Variants in GBP7 observed in about 807,000 individuals in gnomAD.
The protein encoded by GBP7 is guanylate-binding protein 7.
Under a neutral mutation model 61.3 loss-of-function variants are expected in GBP7, and 43 were observed. The ratio of observed to expected loss-of-function variants is 0.70; its 90% CI spans 0.55 to 0.91. The LOEUF is 0.91. GBP7 is among the 40% of genes least tolerant of loss of function. GBP7 has a pLI of 0.00. For missense variants in GBP7, 717 were observed against 740.5 expected (o/e 0.97, Z 0.37); for synonymous variants, 267 against 271.0 (o/e 0.99, Z 0.14).
rs1447286927 is a variant in GBP7 at position 89,156,404 on chromosome 1, C to T, written c.319-3627G>A. Among the ~76,000 whole-genome samples, 3 of 152,282 alleles carry T rather than the reference C, an allele frequency of 2.0e-5. No homozygotes were observed. The East Asian group carries it at 5.8e-4, about 29-fold the overall frequency. ...AAATGCTCCAATTAAAAGACACAGACTGGCAAATTGGATAAAGAGACAAGA... is the reference window on the plus strand; with the variant it reads ...AAATGCTCCAATTAAAAGACACAGATTGGCAAATTGGATAAAGAGACAAGA... On this transcript the variant is annotated intron_variant, in intron 3 of 10. Coordinates refer to ENST00000294671, the MANE Select transcript of GBP7 (RefSeq NM_207398.3).
chr1:89,172,606 A>C (rs1305587343), intron 1 of GBP7, among the ~76,000 whole-genome samples: 2 of 152,118 alleles, frequency 1.3e-5, no homozygotes, highest in African/African-American at 2.4e-5. Flanking sequence ...TGTTGACATT[A>C]CTTTTTCTGG....
intron 9 of GBP7, among the ~76,000 whole-genome samples, chr1:89,136,008 C>T (rs1250966698): frequency 5.3e-5 from 8 of 152,080 alleles, no homozygotes; most frequent in Non-Finnish European, 1.5e-5. Flanking sequence ...GCAGGGGTTG[C>T]TATTCTTATT....
chr1:89,154,689 G>T, intron 3 of GBP7, among the ~76,000 whole-genome samples: 1 of 148,852 alleles, frequency 6.7e-6, no homozygotes, highest in African/African-American at 2.5e-5. Context: ...TTTAAGTTCA[G>T]GCTTACCCCC....
chr1:89,133,140 T>A (rs967769258), intron 10 of GBP7, 118 bp downstream of exon 10: 4 of 739,444 alleles, frequency 5.4e-6, no homozygotes, highest in Non-Finnish European at 9.3e-6. Flanking sequence ...GAAATTTAAG[T>A]GAAATATATC....
intron 8 of GBP7, 80 bp downstream of exon 8, chr1:89,147,487 G>T: frequency 9.1e-7 from 1 of 1,094,946 alleles, no homozygotes; most frequent in Non-Finnish European, 1.4e-6. Context: ...ATGGTGCTGT[G>T]TTCTTAGATT....
chr1:89,147,618 T>G lies in GBP7; in HGVS notation c.1314A>C (p.Ala438=), dbSNP rs1344577132. 1 of 1,614,192 alleles carries G rather than the reference T, an allele frequency of 6.2e-7. No homozygotes were observed. Among genetic ancestry groups the G allele is most frequent in the East Asian group, 2.2e-5 (1 of 44,882 alleles). Residue 438 remains alanine (A), a synonymous_variant, in exon 8 of 11, where the codon GCA becomes GCC. Transcript: ENST00000294671. ...VPGGHNIYLE[A]KKKIEQDYTL... ...TATAGTCCTGTTCAATCTTCTTTTT[T>G]GCTTCTAAGTAGATATTGTGCCCCC...
At chr1:89,161,418 C>T (rs1360663927) in intron 3 of GBP7, among the ~76,000 whole-genome samples, 1 of 152,192 alleles carries the variant, frequency 6.6e-6, no homozygotes, top group East Asian at 1.9e-4. Context: ...TATTTCTCTA[C>T]AACCTAACCA....
rs1227895357 is a variant in GBP7, at chr1:89,133,459, A to G, written c.1469-8T>C. Reference sequence around the variant, plus strand: ...CCTTCTTAGCCTGCTTAGCTGTTCCACCGAGGTTTTACAGAGGGAAGAAAA... The same window carrying G: ...CCTTCTTAGCCTGCTTAGCTGTTCCGCCGAGGTTTTACAGAGGGAAGAAAA... On this transcript the variant is annotated splice_polypyrimidine_tract_variant and splice_region_variant and intron_variant, in intron 9 of 10. Transcript: ENST00000294671. The G allele has an allele frequency of 5.0e-6, 8 of 1,612,816 alleles. No individual in the cohort carries two copies. Among genetic ancestry groups the G allele is most frequent in the Non-Finnish European group, 6.8e-6 (8 of 1,179,418 alleles).
At position 89,173,352 on chromosome 1, in the gene GBP7, C is replaced by G. The variant is rs145474336; in HGVS notation, c.-19-1398G>C. ...CATTTCTATAATAAAGCTTGAGATT[C>G]TGTTGATATTTCCAGTTCCAATCCA... On this transcript the variant is annotated intron_variant, in intron 1 of 10. Coordinates refer to ENST00000294671, the MANE Select transcript of GBP7 (RefSeq NM_207398.3). Among the ~76,000 whole-genome samples the G allele has an allele frequency of 3.2e-3, 490 of 152,246 alleles. 3 individuals are homozygous for G. Among genetic ancestry groups the G allele is most frequent in the Non-Finnish European group, 4.4e-3 (301 of 67,992 alleles).
intron 9 of GBP7, among the ~76,000 whole-genome samples, chr1:89,140,538 TA>T (rs1557453219): frequency 6.7e-6 from 1 of 148,562 alleles, no homozygotes; most frequent in Non-Finnish European, 1.5e-5. Flanking sequence ...TACTAAAAAG[TA>T]AAAAAATAAC....
chr1:89,144,839 T>C (rs1373770865), intron 8 of GBP7, among the ~76,000 whole-genome samples: 1 of 152,102 alleles, frequency 6.6e-6, no homozygotes, highest in East Asian at 1.9e-4. Context: ...CATCCAGAAC[T>C]TACTCATCTT....
At chr1:89,134,876 C>T (rs1681763020) in intron 9 of GBP7, among the ~76,000 whole-genome samples, 1 of 152,048 alleles carries the variant, frequency 6.6e-6, no homozygotes, top group South Asian at 2.1e-4. Context: ...ATATGGAATT[C>T]AGAATCTGGA....
intron 8 of GBP7, among the ~76,000 whole-genome samples, chr1:89,142,547 G>A (rs1398818944): frequency 6.6e-6 from 1 of 152,178 alleles, no homozygotes; most frequent in Admixed American, 6.5e-5. Flanking sequence ...CACTGTACCT[G>A]GCCTGAGAAA....
At chr1:89,175,857 G>A (rs1647724076) in intron 1 of GBP7, 64 bp downstream of exon 1, 1 of 152,196 alleles carries the variant, frequency 6.6e-6, no homozygotes, top group African/African-American at 2.4e-5. Flanking sequence ...CTTGGGGATG[G>A]TCAACTTAGA....
intron 9 of GBP7, among the ~76,000 whole-genome samples, chr1:89,136,748 CT>C (rs1557451297): frequency 6.6e-6 from 1 of 151,960 alleles, no homozygotes; most frequent in African/African-American, 2.4e-5. Flanking sequence ...CCTTGAGGAA[CT>C]AGAAAAACAA....
chr1:89,149,295 A>G lies in GBP7; in HGVS notation c.1149T>C (p.Leu383=). The change falls in exon 7 of 11, where the codon CTT becomes CTC. Residue 383 remains leucine (L), a synonymous_variant. Transcript: ENST00000294671. The part of the protein sequence containing the change: ...KDKSQEFQKK[L]VDTMEKKKED... ...AAAAAAAAATAACAAAGATTACCACAAGCTTCTTCTGAAATTCCTGGCTTT... is the reference window on the plus strand; with the variant it reads ...AAAAAAAAATAACAAAGATTACCACGAGCTTCTTCTGAAATTCCTGGCTTT... 1 of 1,599,690 alleles carries G rather than the reference A, an allele frequency of 6.3e-7. No homozygotes were observed. The highest frequency in any genetic ancestry group is 8.5e-7 in the Non-Finnish European group (1 of 1,171,438).
chr1:89,157,395 C>T (rs1682340760), intron 3 of GBP7, among the ~76,000 whole-genome samples: 5 of 151,976 alleles, frequency 3.3e-5, no homozygotes, highest in Admixed American at 3.3e-4. Context: ...AAAAACCCTT[C>T]AAAAAATCAA....
At chr1:89,157,947 G>C (rs1278884414) in intron 3 of GBP7, among the ~76,000 whole-genome samples, 1 of 152,098 alleles carries the variant, frequency 6.6e-6, no homozygotes, top group African/African-American at 2.4e-5. Context: ...ATGAACATCA[G>C]TGCAAAAATC....
chr1:89,136,421 A>G (rs1681802378), intron 9 of GBP7, among the ~76,000 whole-genome samples: 3 of 151,862 alleles, frequency 2.0e-5, no homozygotes, highest in Admixed American at 1.3e-4. Context: ...CCATAAAGCA[A>G]TTCTCAACAA....
Sources: gnomAD v4.1 joint callset for allele counts (sites outside exome capture counted in the v4.1 genomes callset) on GRCh38, gnomAD v4.1.1 for gene constraint, MANE v1.5 for transcripts, NCBI Gene and HGNC (gene_info 2026-07-23, HGNC 2026-07-21) for gene names.